MBD5: variants seen among roughly 807,000 people sequenced by gnomAD.
The protein encoded by MBD5 is methyl-CpG-binding domain protein 5.
In MBD5, 13 loss-of-function variants were observed where a neutral mutation model predicts 117.3. The observed-to-expected ratio is 0.11, with a 90% CI of 0.07 to 0.18. The LOEUF is 0.18. MBD5 is among the 10% of genes least tolerant of loss of function. MBD5 has a pLI of 1.00. For missense variants in MBD5, 1,879 were observed against 2,093.8 expected (o/e 0.90, Z 2.00); for synonymous variants, 727 against 766.4 (o/e 0.95, Z 0.85).
Position 148,021,424 on chromosome 2 carries a change from CA to C in MBD5, c.-1181del, listed in dbSNP as rs1693712229. 5.5e-6 allele frequency: 3 copies of C among 548,756 alleles called. No individual in the cohort carries two copies. The highest frequency in any genetic ancestry group is 1.9e-5 in the African/African-American group (1 of 52,330). 34.0% of individuals were successfully genotyped at this position (548,756 alleles called of 1,614,324 possible). On this transcript the variant is annotated 5_prime_UTR_variant, in exon 1 of 14. Coordinates refer to ENST00000642680, the MANE Select transcript of MBD5 (RefSeq NM_001378120.1). ...CCGTGAGAGGAGGAGAGAAAGAAAC[CA>C]AAAGCCTCTTAGCAACACAGACCCT...
chr2:148,267,313 T>C (rs891858595), intron 3 of MBD5, among the ~76,000 whole-genome samples: 11 of 152,180 alleles, frequency 7.2e-5, no homozygotes, highest in Middle Eastern at 3.2e-3. Context: ...GAATTGTTAA[T>C]AGAGTTGTGA....
At chr2:148,111,915 A>C (rs1207449271) in intron 1 of MBD5, among the ~76,000 whole-genome samples, 2 of 152,180 alleles carry the variant, frequency 1.3e-5, no homozygotes, top group Non-Finnish European at 2.9e-5. Context: ...TTAACAGTAA[A>C]ATAGAACAAT....
At chr2:148,501,834 C>T (rs989090499) in intron 11 of MBD5, among the ~76,000 whole-genome samples, 2 of 152,222 alleles carry the variant, frequency 1.3e-5, no homozygotes, top group Non-Finnish European at 2.9e-5. Flanking sequence ...CAAATGTGTA[C>T]TAGGTCATGA....
chr2:148,222,934 A>C (rs556429612), intron 2 of MBD5, among the ~76,000 whole-genome samples: 8 of 152,030 alleles, frequency 5.3e-5, no homozygotes, highest in Admixed American at 5.2e-4. Context: ...TTCTGATGCT[A>C]ATGTACATTC....
intron 4 of MBD5, among the ~76,000 whole-genome samples, chr2:148,448,546 T>G (rs1706634639): frequency 6.6e-6 from 1 of 152,012 alleles, no homozygotes; most frequent in Non-Finnish European, 1.5e-5. Context: ...TTTATATACT[T>G]TATATAAAGT....
intron 3 of MBD5, chr2:148,296,231 C>T (rs1701643509): frequency 1.1e-5 from 2 of 188,920 alleles, no homozygotes; most frequent in East Asian, 1.7e-4. Context: ...TTTATCCTGC[C>T]TTCTCTCTTC....
chr2:148,232,391 T>A (rs1046607251), intron 2 of MBD5, among the ~76,000 whole-genome samples: 3 of 152,216 alleles, frequency 2.0e-5, no homozygotes, highest in Non-Finnish European at 4.4e-5. Context: ...GAGTAGTAGA[T>A]GGTTGCAGTG....
At chr2:148,387,606 A>G (rs779897115) in intron 4 of MBD5, among the ~76,000 whole-genome samples, 2 of 152,116 alleles carry the variant, frequency 1.3e-5, no homozygotes, top group Non-Finnish European at 2.9e-5. Flanking sequence ...TCTGAAGGAC[A>G]TGACAAATGA....
chr2:148,447,176 AAG>A (rs1462121040), intron 4 of MBD5, among the ~76,000 whole-genome samples: 48 of 124,252 alleles, frequency 3.9e-4, no homozygotes, highest in African/African-American at 1.5e-3. Context: ...AGAAAGGAAG[AAG>A]GAAAGAAAGA....
At chr2:148,442,994 A>G (rs886230273) in intron 4 of MBD5, among the ~76,000 whole-genome samples, 4 of 151,432 alleles carry the variant, frequency 2.6e-5, no homozygotes, top group African/African-American at 9.8e-5. Context: ...CAAACTACCT[A>G]TCTGACAGGG....
At chr2:148,492,734 T>A (rs1478672009) in intron 11 of MBD5, among the ~76,000 whole-genome samples, 1 of 152,122 alleles carries the variant, frequency 6.6e-6, no homozygotes, top group Non-Finnish European at 1.5e-5. Context: ...AAAGTTCTCA[T>A]TTTACAACAC....
intron 1 of MBD5, among the ~76,000 whole-genome samples, chr2:148,116,786 T>C (rs1696651370): frequency 6.6e-6 from 1 of 152,246 alleles, no homozygotes; most frequent in Admixed American, 6.5e-5. Flanking sequence ...CTGCTGATTC[T>C]ACTTTTATAT....
chr2:148,149,857 T>C (rs1415607535), intron 1 of MBD5, among the ~76,000 whole-genome samples: 2 of 149,460 alleles, frequency 1.3e-5, no homozygotes, highest in Non-Finnish European at 3.0e-5. Context: ...GTCAGATGAG[T>C]AGGTTGCGAA....
intron 4 of MBD5, among the ~76,000 whole-genome samples, chr2:148,368,475 AAAAT>A (rs1350783966): frequency 2.6e-5 from 4 of 152,186 alleles, no homozygotes; most frequent in Non-Finnish European, 5.9e-5. Context: ...AGTATTAAAA[AAAAT>A]AAAAACTTTT....
At chr2:148,494,006 C>A (rs1681611506) in intron 11 of MBD5, among the ~76,000 whole-genome samples, 1 of 152,124 alleles carries the variant, frequency 6.6e-6, no homozygotes, top group Non-Finnish European at 1.5e-5. Context: ...ATATTAATTT[C>A]TATTCAAAGA....
chr2:148,168,190 A>G (rs1323962932), intron 1 of MBD5, among the ~76,000 whole-genome samples: 7 of 152,222 alleles, frequency 4.6e-5, no homozygotes, highest in African/African-American at 1.7e-4. Flanking sequence ...CAAGGCTACC[A>G]TGATTCAGAA....
intron 1 of MBD5, among the ~76,000 whole-genome samples, chr2:148,142,126 T>C (rs929727553): frequency 1.4e-4 from 21 of 152,096 alleles, no homozygotes; most frequent in African/African-American, 4.8e-4. Flanking sequence ...GCCTATCGTA[T>C]TGCAAATGGG....
At chr2:148,046,505 A>G (rs1234848082) in intron 1 of MBD5, among the ~76,000 whole-genome samples, 1 of 151,996 alleles carries the variant, frequency 6.6e-6, no homozygotes, top group Non-Finnish European at 1.5e-5. Context: ...TTTTGCTTGT[A>G]TTTACTTTCT....
intron 4 of MBD5, among the ~76,000 whole-genome samples, chr2:148,373,881 G>C (rs1290168245): frequency 6.6e-6 from 1 of 151,938 alleles, no homozygotes; most frequent in African/African-American, 2.4e-5. Flanking sequence ...ATGAATACAG[G>C]CTTACCTTAT....
Sources: gnomAD v4.1 joint callset for allele counts (sites outside exome capture counted in the v4.1 genomes callset) on GRCh38, gnomAD v4.1.1 for gene constraint, MANE v1.5 for transcripts, NCBI Gene and HGNC (gene_info 2026-07-23, HGNC 2026-07-21) for gene names.